The following PTPRD variants were observed in gnomAD, a reference collection of about 807,000 sequenced individuals.
PTPRD encodes the protein receptor-type tyrosine-protein phosphatase delta.
In PTPRD, 34 loss-of-function variants were observed where a neutral mutation model predicts 214.5. The ratio of observed to expected loss-of-function variants is 0.16; its 90% CI spans 0.12 to 0.21. The LOEUF is 0.21. Among genes scored for constraint, PTPRD ranks in the 10% least tolerant of loss-of-function variants. The pLI, the probability that PTPRD is intolerant of heterozygous loss-of-function variation, is 1.00. For synonymous variants in PTPRD, 1,128 were observed against 845.7 expected (o/e 1.33, Z -5.79); for missense variants, 2,545 against 2,398.7 (o/e 1.06, Z -1.27).
At chr9:9,720,123 A>G (rs767735856) in intron 7 of PTPRD, among the ~76,000 whole-genome samples, 10 of 152,046 alleles carry the variant, frequency 6.6e-5, no homozygotes, top group Non-Finnish European at 1.5e-4. Flanking sequence ...GGTGCTGTTG[A>G]CCCCAGATGT....
chr9:9,226,323 T>C (rs2099959442), intron 9 of PTPRD, among the ~76,000 whole-genome samples: 1 of 151,876 alleles, frequency 6.6e-6, no homozygotes, highest in Admixed American at 6.6e-5. Context: ...AAAAATCTAA[T>C]ATCAGGGGAT....
chr9:8,517,963 G>A lies in PTPRD; in HGVS notation c.1428C>T (p.Ile476=), dbSNP rs1398028690. 2 of 1,614,186 alleles carry A rather than the reference G, an allele frequency of 1.2e-6. No individual in the cohort carries two copies. Among genetic ancestry groups the A allele is most frequent in the Non-Finnish European group, 1.7e-6 (2 of 1,180,016 alleles). ...WMKHNVADSQ[I]TTIGNLVPQK... is the part of the protein sequence containing the mutation. ...GGGGCACTAAGTTGCCAATAGTAGT[G>A]ATTTGGCTGTCAGCTACATTGTGTT... The change falls in exon 21 of 46, where the codon ATC becomes ATT. Residue 476 remains isoleucine, a synonymous_variant. Transcript: ENST00000381196.
At chr9:10,599,395 A>G (rs146365356) in intron 2 of PTPRD, among the ~76,000 whole-genome samples, 1 of 151,922 alleles carries the variant, frequency 6.6e-6, no homozygotes, top group East Asian at 1.9e-4. Context: ...TAACTTATAC[A>G]ACAATGAATG....
intron 10 of PTPRD, among the ~76,000 whole-genome samples, chr9:9,107,011 G>C (rs998878303): frequency 2.0e-5 from 3 of 152,110 alleles, no homozygotes; most frequent in African/African-American, 7.2e-5. Context: ...CTTTCTAAAA[G>C]TATGCTCTTC....
At chr9:9,515,705 T>A (rs1481298791) in intron 8 of PTPRD, among the ~76,000 whole-genome samples, 1 of 151,928 alleles carries the variant, frequency 6.6e-6, no homozygotes, top group East Asian at 1.9e-4. Context: ...ATGTTAATAA[T>A]TATTACACAG....
chr9:9,079,553 G>C (rs1021652393), intron 10 of PTPRD, among the ~76,000 whole-genome samples: 3 of 151,954 alleles, frequency 2.0e-5, no homozygotes, highest in African/African-American at 7.3e-5. Flanking sequence ...TGCATTTGTA[G>C]TTGTTTGAGG....
chr9:8,331,372 T>TAAAC (rs1563992286), intron 44 of PTPRD, among the ~76,000 whole-genome samples: 1 of 150,868 alleles, frequency 6.6e-6, no homozygotes, highest in African/African-American at 2.4e-5. Flanking sequence ...TTTTGGGGGA[T>TAAAC]AAACATTTTT....
At chr9:8,554,079 T>C (rs957775593) in intron 14 of PTPRD, among the ~76,000 whole-genome samples, 11 of 152,212 alleles carry the variant, frequency 7.2e-5, no homozygotes, top group South Asian at 2.1e-4. Context: ...TCCCAGCTAC[T>C]TGGAAGGCTG....
intron 12 of PTPRD, among the ~76,000 whole-genome samples, chr9:8,732,542 T>C (rs2098671413): frequency 6.6e-6 from 1 of 152,224 alleles, no homozygotes; most frequent in East Asian, 1.9e-4. Context: ...TTGGGTCTTT[T>C]CCCAGTTAAT....
chr9:9,305,744 T>C (rs936212821), intron 9 of PTPRD, among the ~76,000 whole-genome samples: 2 of 152,132 alleles, frequency 1.3e-5, no homozygotes, highest in East Asian at 1.9e-4. Context: ...GAAAGATAGA[T>C]GTAGAGACAC....
chr9:8,571,321 T>C (rs903435365), intron 14 of PTPRD, among the ~76,000 whole-genome samples: 2 of 152,128 alleles, frequency 1.3e-5, no homozygotes, highest in Non-Finnish European at 2.9e-5. Flanking sequence ...CAAAGCTTCA[T>C]AGCTAACAAT....
intron 11 of PTPRD, among the ~76,000 whole-genome samples, chr9:8,841,783 G>A (rs935368907): frequency 1.3e-4 from 20 of 151,982 alleles, no homozygotes; most frequent in Admixed American, 7.2e-4. Flanking sequence ...AGGCCAAGGC[G>A]GGTGGATCAT....
At chr9:8,411,290 T>TA (rs1365680269) in intron 35 of PTPRD, among the ~76,000 whole-genome samples, 5 of 151,266 alleles carry the variant, frequency 3.3e-5, no homozygotes, top group Non-Finnish European at 7.4e-5. Context: ...TTTTAAAATT[T>TA]TTTATTTATC....
At chr9:8,389,084 A>C in intron 37 of PTPRD, 148 bp downstream of exon 37, 1 of 544,460 alleles carries the variant, frequency 1.8e-6, no homozygotes, top group Non-Finnish European at 3.0e-6. Flanking sequence ...GAATGGTTTA[A>C]TTAGAGTTGT....
intron 2 of PTPRD, among the ~76,000 whole-genome samples, chr9:10,409,347 G>T (rs755267211): frequency 2.0e-5 from 3 of 151,696 alleles, no homozygotes; most frequent in African/African-American, 4.8e-5. Context: ...TTAATAAGCT[G>T]ATATCCTTTC....
intron 2 of PTPRD, among the ~76,000 whole-genome samples, chr9:10,389,280 G>T (rs1223029280): frequency 2.0e-5 from 3 of 151,748 alleles, no homozygotes; most frequent in Non-Finnish European, 4.4e-5. Flanking sequence ...AAATATTATT[G>T]ACACAATGAA....
intron 11 of PTPRD, among the ~76,000 whole-genome samples, chr9:8,925,858 A>AT (rs33971552): frequency 0.04 from 4,777 of 120,146 alleles, 242 homozygotes; most frequent in African/African-American, 0.1. Flanking sequence ...CTATTGCAAT[A>AT]TTTTTTTTTT....
intron 12 of PTPRD, among the ~76,000 whole-genome samples, chr9:8,687,199 T>C (rs2097698380): frequency 6.6e-6 from 1 of 152,122 alleles, no homozygotes; most frequent in African/African-American, 2.4e-5. Context: ...AGAGAATCTC[T>C]GGAATACATG....
intron 4 of PTPRD, among the ~76,000 whole-genome samples, chr9:9,947,658 T>C (rs1423816664): frequency 9.5e-6 from 1 of 105,464 alleles, no homozygotes; most frequent in African/African-American, 3.7e-5. Flanking sequence ...ATATACACCA[T>C]GGCATGTAGG....
Sources: gnomAD v4.1 joint callset for allele counts (sites outside exome capture counted in the v4.1 genomes callset) on GRCh38, gnomAD v4.1.1 for gene constraint, MANE v1.5 for transcripts, NCBI Gene and HGNC (gene_info 2026-07-23, HGNC 2026-07-21) for gene names.